WDR70: variants seen among roughly 807,000 people sequenced by gnomAD.
WDR70 encodes WD repeat domain 70.
A neutral mutation model predicts 88.6 loss-of-function variants in WDR70; 53 were observed. The observed-to-expected ratio is 0.60, with a 90% confidence interval of 0.48 to 0.75. WDR70 has a LOEUF of 0.75. Ranked by LOEUF, WDR70 falls within the 30% of genes least tolerant of loss-of-function variation. WDR70 has a pLI of 0.00. For synonymous variants in WDR70, 280 were observed against 270.0 expected (o/e 1.04, Z -0.36); for missense variants, 610 against 823.2 (o/e 0.74, Z 3.17).
Position 37,381,614 on chromosome 5 carries a change from G to A in WDR70, c.104G>A (p.Arg35His), listed in dbSNP as rs569699002. The change falls in exon 3 of 18, where the codon CGC becomes CAC. Residue 35 changes from arginine (R) to histidine (H), a missense_variant. Transcript: ENST00000265107. ...GTTCATGTTTTAGGTAAAAAAGCTCGCACATTTGACTTGGAAGCAATGTTT... is the reference window on the plus strand; with the variant it reads ...GTTCATGTTTTAGGTAAAAAAGCTCACACATTTGACTTGGAAGCAATGTTT... The part of the protein sequence containing the change: ...MGFTGFGKKA[R>H]TFDLEAMFEQ... 7 of 1,610,246 alleles carry A rather than the reference G, an allele frequency of 4.3e-6. No individual in the cohort carries two copies. Among genetic ancestry groups the A allele is most frequent in the East Asian group, 2.2e-5 (1 of 44,714 alleles).
chr5:37,574,347 G>A (rs1374642929), intron 9 of WDR70, among the ~76,000 whole-genome samples: 1 of 152,188 alleles, frequency 6.6e-6, no homozygotes, highest in African/African-American at 2.4e-5. Flanking sequence ...TGAATGGCAA[G>A]TTGTTTCTTG....
chr5:37,603,974 G>A (rs776167394), intron 9 of WDR70, among the ~76,000 whole-genome samples: 4 of 152,000 alleles, frequency 2.6e-5, no homozygotes, highest in Non-Finnish European at 5.9e-5. Context: ...CTTGGACATG[G>A]TTATAAAACT....
At chr5:37,676,531 T>A (rs948443962) in intron 10 of WDR70, among the ~76,000 whole-genome samples, 3 of 152,002 alleles carry the variant, frequency 2.0e-5, no homozygotes, top group Non-Finnish European at 2.9e-5. Context: ...TATGCTGGAT[T>A]ACATTTATTG....
intron 9 of WDR70, among the ~76,000 whole-genome samples, chr5:37,555,269 G>C (rs750209236): frequency 3.0e-4 from 46 of 152,154 alleles, no homozygotes; most frequent in Non-Finnish European, 5.4e-4. Flanking sequence ...TATTAATGAT[G>C]TTTATTATTT....
chr5:37,705,282 G>C (rs947574219), intron 13 of WDR70, among the ~76,000 whole-genome samples: 5 of 152,072 alleles, frequency 3.3e-5, no homozygotes, highest in African/African-American at 1.2e-4. Context: ...ATAAAGGATA[G>C]AAAAATGAGC....
intron 8 of WDR70, among the ~76,000 whole-genome samples, chr5:37,511,373 C>T (rs904140264): frequency 6.6e-6 from 1 of 151,794 alleles, no homozygotes; most frequent in Non-Finnish European, 1.5e-5. Flanking sequence ...CCAGATTTAG[C>T]CAGCAGAAGG....
intron 8 of WDR70, among the ~76,000 whole-genome samples, chr5:37,490,687 C>T (rs956358866): frequency 1.0e-4 from 15 of 150,354 alleles, no homozygotes; most frequent in African/African-American, 2.9e-4. Flanking sequence ...GCTTTGTTGC[C>T]GGGGGTAGGT....
At chr5:37,645,176 T>C (rs1745200363) in intron 10 of WDR70, among the ~76,000 whole-genome samples, 1 of 151,892 alleles carries the variant, frequency 6.6e-6, no homozygotes, top group African/African-American at 2.4e-5. Context: ...GTTATATTTC[T>C]GGTACCATTT....
At chr5:37,438,011 C>A in intron 6 of WDR70, 30 bp downstream of exon 6, 1 of 1,582,388 alleles carries the variant, frequency 6.3e-7, no homozygotes, top group South Asian at 1.1e-5. Flanking sequence ...TTTTTCCTCT[C>A]TCAAATTACA....
chr5:37,395,892 C>G (rs1370760117), intron 4 of WDR70, among the ~76,000 whole-genome samples: 4 of 152,148 alleles, frequency 2.6e-5, no homozygotes, highest in African/African-American at 7.2e-5. Context: ...CCTTGACCTC[C>G]TGGACTCAAG....
chr5:37,687,755 T>A (rs938916539), intron 10 of WDR70, among the ~76,000 whole-genome samples: 14 of 149,776 alleles, frequency 9.3e-5, no homozygotes, highest in South Asian at 4.3e-4. Flanking sequence ...TTTTTTTTTT[T>A]AATTTCAGAA....
At chr5:37,725,100 G>T (rs369069729) in intron 16 of WDR70, 50 bp downstream of exon 16, 8 of 1,512,424 alleles carry the variant, frequency 5.3e-6, no homozygotes, top group Non-Finnish European at 7.3e-6. Context: ...GAGGCAGGGT[G>T]GGGTAATTGA....
At chr5:37,388,447 G>A (rs1219010045) in intron 3 of WDR70, among the ~76,000 whole-genome samples, 1 of 118,098 alleles carries the variant, frequency 8.5e-6, no homozygotes, top group East Asian at 2.6e-4. Context: ...TTTTAGAAGT[G>A]TTACACTAGG....
Position 37,516,540 on chromosome 5 carries a change from C to T in WDR70, c.867C>T (p.Gly289=), listed in dbSNP as rs1740889743. 6 of 1,605,536 alleles carry T rather than the reference C, an allele frequency of 3.7e-6. No individual in the cohort carries two copies. The highest frequency in any genetic ancestry group is 3.4e-6 in the Non-Finnish European group (4 of 1,174,480). ...GTCATACAGCAATGCTTCATACTGG[C>T]TCATGGCATCCCAAAATAAAGGGAG... The part of the protein sequence containing the change: ...TKGHTAMLHT[G]SWHPKIKGEF... The change falls in exon 9 of 18, where the codon GGC becomes GGT. Residue 289 remains glycine, a synonymous_variant. Transcript: ENST00000265107.
intron 4 of WDR70, 61 bp downstream of exon 4, chr5:37,392,181 T>G (rs1221436861): frequency 1.5e-5 from 23 of 1,524,910 alleles, no homozygotes; most frequent in Admixed American, 4.7e-5. Flanking sequence ...TATAGAGTTT[T>G]TTTTTTTTTT....
chr5:37,661,094 C>T (rs1745690668), intron 10 of WDR70, among the ~76,000 whole-genome samples: 1 of 152,190 alleles, frequency 6.6e-6, no homozygotes, highest in African/African-American at 2.4e-5. Context: ...CCAATCCCCA[C>T]AGATAGCAAG....
intron 9 of WDR70, among the ~76,000 whole-genome samples, chr5:37,573,429 T>C (rs1388644539): frequency 6.6e-6 from 1 of 152,164 alleles, no homozygotes; most frequent in African/African-American, 2.4e-5. Context: ...GTGCACAACG[T>C]GCAGGATTGT....
chr5:37,596,523 C>G (rs1183158138), intron 9 of WDR70, among the ~76,000 whole-genome samples: 1 of 152,104 alleles, frequency 6.6e-6, no homozygotes, highest in Non-Finnish European at 1.5e-5. Context: ...CCTTTTCACT[C>G]CTTCCTTTTT....
chr5:37,468,710 T>C (rs1324050318), intron 7 of WDR70, among the ~76,000 whole-genome samples: 1 of 152,218 alleles, frequency 6.6e-6, no homozygotes, highest in Non-Finnish European at 1.5e-5. Flanking sequence ...GTTCTACATC[T>C]GTTTATTAAG....
Sources: allele counts gnomAD v4.1 joint callset (sites outside exome capture counted in the v4.1 genomes callset), GRCh38; gene constraint gnomAD v4.1.1; transcripts MANE v1.5; gene names NCBI Gene and HGNC (gene_info 2026-07-23, HGNC 2026-07-21).